PHIP: variants seen among roughly 807,000 people sequenced by gnomAD.
PHIP encodes the protein PH-interacting protein.
A neutral mutation model predicts 236.8 loss-of-function variants in PHIP; 54 were observed. The ratio of observed to expected loss-of-function variants is 0.23; its 90% confidence interval spans 0.18 to 0.29. PHIP has a LOEUF of 0.29. PHIP is among the 10% of genes least tolerant of loss of function. The probability of loss-of-function intolerance (pLI) is 1.00; values close to 1 mark genes in which losing one functional copy is unlikely to be tolerated. For missense variants in PHIP, 1,370 were observed against 2,190.8 expected, an observed-to-expected ratio of 0.63 and a Z score of 7.48; for synonymous variants, 756 against 718.9, an observed-to-expected ratio of 1.05 and a Z score of -0.83.
intron 39 of PHIP, among the ~76,000 whole-genome samples, chr6:78,943,658 C>T (rs1218001595): frequency 6.6e-6 from 1 of 151,908 alleles, no homozygotes; most frequent in African/African-American, 2.4e-5. Flanking sequence ...TAAGTACCAC[C>T]AAAGGTAATG....
At chr6:79,021,616 A>T (rs1434191218) in intron 9 of PHIP, among the ~76,000 whole-genome samples, 1 of 152,252 alleles carries the variant, frequency 6.6e-6, no homozygotes, top group Non-Finnish European at 1.5e-5. Flanking sequence ...TAAGTGAAAT[A>T]AGGCAGGCAC....
intron 15 of PHIP, among the ~76,000 whole-genome samples, chr6:79,005,029 C>T (rs1053459006): frequency 6.6e-6 from 1 of 151,870 alleles, no homozygotes; most frequent in Admixed American, 6.6e-5. Flanking sequence ...CTTTGGCTTG[C>T]TAAAAAGAAG....
At chr6:79,072,981 G>A (rs955465913) in intron 4 of PHIP, among the ~76,000 whole-genome samples, 3 of 152,008 alleles carry the variant, frequency 2.0e-5, no homozygotes, top group Admixed American at 6.6e-5. Context: ...ATTACTCACA[G>A]ACCACACAAA....
chr6:78,964,887 A>C (rs1767032552), intron 29 of PHIP, among the ~76,000 whole-genome samples: 1 of 152,238 alleles, frequency 6.6e-6, no homozygotes, highest in Admixed American at 6.5e-5. Context: ...TCATTATTAA[A>C]ATCTCGACAA....
intron 15 of PHIP, among the ~76,000 whole-genome samples, chr6:79,008,109 T>C (rs1472425925): frequency 6.6e-6 from 1 of 151,676 alleles, no homozygotes; most frequent in Non-Finnish European, 1.5e-5. Context: ...TGAGATGAGA[T>C]TGTGCCAGGA....
intron 15 of PHIP, 112 bp downstream of exon 15, chr6:79,014,970 G>A (rs117198745): frequency 5.2e-6 from 4 of 763,498 alleles, no homozygotes; most frequent in Admixed American, 2.7e-5. Flanking sequence ...GGAATTTAAA[G>A]TCAAAATAAT....
At chr6:78,969,696 T>C (rs1481518895) in intron 27 of PHIP, 139 bp downstream of exon 27, 1 of 484,912 alleles carries the variant, frequency 2.1e-6, no homozygotes, top group African/African-American at 2.0e-5. Flanking sequence ...ACATAGTATC[T>C]TACTTTGCTA....
intron 8 of PHIP, 135 bp from the exon 9 acceptor site, chr6:79,025,754 A>G (rs1055227524): frequency 3.5e-5 from 25 of 710,892 alleles, no homozygotes; most frequent in Middle Eastern, 5.3e-4. Flanking sequence ...TATGTTATTT[A>G]AAGTCCATAT....
At chr6:79,077,992 G>T in intron 1 of PHIP, 37 bp downstream of exon 1, 1 of 1,605,018 alleles carries the variant, frequency 6.2e-7, no homozygotes, top group South Asian at 1.1e-5. Flanking sequence ...GGGCGGAATC[G>T]CCCGGTGCCA....
At chr6:78,946,571 C>A in intron 37 of PHIP, 140 bp downstream of exon 37, 1 of 1,394,076 alleles carries the variant, frequency 7.2e-7, no homozygotes, top group South Asian at 1.7e-5. Context: ...ATTAAAAATC[C>A]TCCACATCAT....
chr6:78,966,356 T>C (rs943110389), intron 27 of PHIP, among the ~76,000 whole-genome samples: 2 of 152,246 alleles, frequency 1.3e-5, no homozygotes, highest in African/African-American at 2.4e-5. Context: ...AAATTCATCA[T>C]TAACACTATA....
At chr6:79,065,764 CCACACACACACACA>C (rs58570604) in intron 4 of PHIP, among the ~76,000 whole-genome samples, 26 of 143,470 alleles carry the variant, frequency 1.8e-4, no homozygotes, top group Admixed American at 5.7e-4. Context: ...CTTAACTATA[CCACACACACACACA>C]CACACACACA....
chr6:78,984,499 G>A (rs1271329905), intron 22 of PHIP, among the ~76,000 whole-genome samples: 5 of 152,138 alleles, frequency 3.3e-5, no homozygotes, highest in East Asian at 1.9e-4. Context: ...CTTTACAACC[G>A]TCCTCAACTG....
Position 78,988,227 on chromosome 6 carries a change from A to G in PHIP, c.2442T>C (p.Asn814=), listed in dbSNP as rs1204373681. 1.3e-6 allele frequency: 2 copies of G among 1,582,740 alleles called. No homozygotes were observed. The highest frequency in any genetic ancestry group is 1.7e-6 in the Non-Finnish European group (2 of 1,166,502). The change falls in exon 21 of 40, where the codon AAT becomes AAC. Residue 814 remains asparagine (N), a synonymous_variant. Transcript: ENST00000275034. ...ATCTTACATCTGAAGAACTACTGCC[A>G]TTTTCTATCTCTTCTGAGGGTCTAG... ...ETPRPSEEIE[N]GSSSSDEGEV...
Position 78,963,197 on chromosome 6 carries a change from T to C in PHIP, c.3435A>G (p.Arg1145=). ...TSVPLTDGEC[R]SLIYKPLDGE... Reference sequence around the variant, plus strand: ...CATCAAGAGGTTTATAGATTAGTGATCTGCACTCACCATCAGTTAAAGGAA... The same window carrying C: ...CATCAAGAGGTTTATAGATTAGTGACCTGCACTCACCATCAGTTAAAGGAA... The change falls in exon 30 of 40, where the codon AGA becomes AGG. Residue 1145 remains arginine, a synonymous_variant. Transcript: ENST00000275034. 6.2e-7 allele frequency: 1 copy of C among 1,610,716 alleles called. No homozygotes were observed. The highest frequency in any genetic ancestry group is 8.5e-7 in the Non-Finnish European group (1 of 1,178,392).
At chr6:78,948,095 A>G (rs1222640264) in intron 35 of PHIP, among the ~76,000 whole-genome samples, 1 of 152,182 alleles carries the variant, frequency 6.6e-6, no homozygotes, top group African/African-American at 2.4e-5. Context: ...TCTACAACCG[A>G]AAGTTTGAAA....
At chr6:79,031,231 A>G (rs1771659187) in intron 7 of PHIP, among the ~76,000 whole-genome samples, 1 of 152,260 alleles carries the variant, frequency 6.6e-6, no homozygotes, top group African/African-American at 2.4e-5. Flanking sequence ...GGCATGAGCC[A>G]TCACACCAAG....
intron 17 of PHIP, among the ~76,000 whole-genome samples, chr6:79,000,407 G>C (rs1769908261): frequency 6.6e-6 from 1 of 152,006 alleles, no homozygotes; most frequent in Non-Finnish European, 1.5e-5. Flanking sequence ...GTGATTCTAT[G>C]ACACATTACC....
Position 79,036,921 on chromosome 6 carries a change from C to CAAA in PHIP, c.600+5919_600+5921dup, listed in dbSNP as rs34875528. 5.8e-3 allele frequency among the ~76,000 whole-genome samples: 225 copies of CAAA among 38,718 alleles called. 3 individuals carry two copies. Among genetic ancestry groups the CAAA allele is most frequent in the Middle Eastern group, 0.022 (1 of 46 alleles). The allele number at this position is 38,718 out of a possible 152,430, so 25.4% of individuals were successfully genotyped here. A position where few individuals can be genotyped will look rare whatever the true frequency, so the allele number is the denominator to read the frequency against. ...TAGGTGACAGAGCAAGACTCCGTCT[C>CAAA]AAAAAAAAAAAAAAAAAAAAAAAAA... On this transcript the variant is annotated intron_variant, in intron 7 of 39. Coordinates refer to ENST00000275034, the MANE Select transcript of PHIP (RefSeq NM_017934.7).
Sources: allele counts gnomAD v4.1 joint callset (sites outside exome capture counted in the v4.1 genomes callset), GRCh38; gene constraint gnomAD v4.1.1; transcripts MANE v1.5; gene names NCBI Gene and HGNC (gene_info 2026-07-23, HGNC 2026-07-21).